The following SGPP2 variants were observed in gnomAD, a reference collection of about 807,000 sequenced individuals.
SGPP2 encodes the protein sphingosine-1-phosphate phosphatase 2, also known as sphingosine 1-phosphate phosphohydrolase 2.
A neutral mutation model predicts 33.9 loss-of-function variants in SGPP2; 30 were observed. The observed-to-expected ratio is 0.89, with a 90% CI of 0.66 to 1.20. The LOEUF (loss-of-function observed/expected upper bound fraction) is 1.20. Among genes scored for constraint, SGPP2 ranks in the 50% most tolerant of loss-of-function variants. The pLI is 0.00. For synonymous variants in SGPP2, 233 were observed against 225.0 expected, an observed-to-expected ratio of 1.04 and a Z score of -0.32; for missense variants, 458 against 532.1, an observed-to-expected ratio of 0.86 and a Z score of 1.37.
intron 1 of SGPP2, among the ~76,000 whole-genome samples, chr2:222,445,903 T>A (rs1697391698): frequency 6.6e-6 from 1 of 152,110 alleles, no homozygotes; most frequent in South Asian, 2.1e-4. Context: ...TACAGTGGGC[T>A]TTGCAGAATG....
At chr2:222,515,706 A>G (rs907824875) in intron 2 of SGPP2, among the ~76,000 whole-genome samples, 1 of 152,084 alleles carries the variant, frequency 6.6e-6, no homozygotes, top group Non-Finnish European at 1.5e-5. Flanking sequence ...TAATTCAATA[A>G]TTTTTAGTGT....
intron 1 of SGPP2, among the ~76,000 whole-genome samples, chr2:222,439,721 A>G (rs978720078): frequency 1.3e-5 from 2 of 152,254 alleles, no homozygotes; most frequent in Non-Finnish European, 2.9e-5. Flanking sequence ...AATTCCATGT[A>G]TATAATGTTC....
At chr2:222,443,662 T>G (rs1268871923) in intron 1 of SGPP2, among the ~76,000 whole-genome samples, 2 of 152,032 alleles carry the variant, frequency 1.3e-5, no homozygotes, top group African/African-American at 2.4e-5. Flanking sequence ...CACTTGTTTG[T>G]TTTTTTTAAC....
intron 4 of SGPP2, among the ~76,000 whole-genome samples, chr2:222,525,881 G>GT (rs890611867): frequency 6.6e-6 from 1 of 152,160 alleles, no homozygotes; most frequent in African/African-American, 2.4e-5. Flanking sequence ...CCTTGTGTGG[G>GT]TTTTTTATGG....
In SGPP2 at chr2:222,559,753, C is replaced by T; in HGVS notation, c.*855C>T. 1 of 152,552 alleles carries T rather than the reference C, an allele frequency of 6.6e-6. No homozygotes were observed. Among genetic ancestry groups the T allele is most frequent in the Non-Finnish European group, 1.5e-5 (1 of 68,252 alleles). The allele number at this position is 152,552 out of a possible 1,614,324, so 9.4% of individuals were successfully genotyped here. On this transcript the variant is annotated 3_prime_UTR_variant, in exon 5 of 5. Coordinates refer to ENST00000321276, the MANE Select transcript of SGPP2 (RefSeq NM_152386.4). ...TATAGGCATGAGCCACTGTGCCCGG[C>T]CTCCTCCTTGTTATGATCAAATTAG...
intron 2 of SGPP2, among the ~76,000 whole-genome samples, chr2:222,486,102 C>T (rs1698103091): frequency 6.6e-6 from 1 of 152,206 alleles, no homozygotes; most frequent in Non-Finnish European, 1.5e-5. Flanking sequence ...CCACAAGATG[C>T]TTCTCAGGCT....
At chr2:222,524,739 A>G (rs1698731639) in intron 3 of SGPP2, among the ~76,000 whole-genome samples, 1 of 152,166 alleles carries the variant, frequency 6.6e-6, no homozygotes, top group Non-Finnish European at 1.5e-5. Context: ...TCCTCCCAGA[A>G]CTGTGTACCT....
intron 1 of SGPP2, among the ~76,000 whole-genome samples, chr2:222,469,332 T>A (rs1697803361): frequency 6.6e-6 from 1 of 152,202 alleles, no homozygotes; most frequent in Admixed American, 6.5e-5. Flanking sequence ...TACAGACATG[T>A]GCCACCATGC....
At chr2:222,494,875 C>T (rs1343530885) in intron 2 of SGPP2, among the ~76,000 whole-genome samples, 1 of 152,134 alleles carries the variant, frequency 6.6e-6, no homozygotes, top group Non-Finnish European at 1.5e-5. Context: ...TAGCATTAGT[C>T]TCTCAGAAAG....
rs935477899 is a variant in SGPP2 at position 222,561,172 on chromosome 2, A to C, written c.*2274A>C. 2.6e-4 allele frequency among the ~76,000 whole-genome samples: 39 copies of C among 152,032 alleles called. 2 individuals carry two copies. The highest frequency in any genetic ancestry group is 2.4e-3 in the Admixed American group (36 of 15,252). ...TTAAAATTCTTCTCATATTTATTAT[A>C]GTTAGAAGGCAAAGATCAAGATGAC... On this transcript the variant is annotated 3_prime_UTR_variant, in exon 5 of 5. Coordinates refer to ENST00000321276, the MANE Select transcript of SGPP2 (RefSeq NM_152386.4).
chr2:222,477,118 T>A lies in SGPP2; in HGVS notation c.378+2392T>A, dbSNP rs111209742. ...ATGTATGTATATAGGTGTGTATATA[T>A]GTGTATGTGTGTGTATATAGGTGTG... On this transcript the variant is annotated intron_variant, in intron 2 of 4. Coordinates refer to ENST00000321276, the MANE Select transcript of SGPP2 (RefSeq NM_152386.4). The surrounding 1 kb of genome is among the most constrained non-coding windows in gnomAD (Gnocchi z 6.0). Among the ~76,000 whole-genome samples the A allele has an allele frequency of 3.6e-4, 54 of 151,800 alleles. No homozygotes were observed. The highest frequency in any genetic ancestry group is 1.3e-3 in the African/African-American group (53 of 41,372).
chr2:222,540,163 T>A (rs1698970529), intron 4 of SGPP2, among the ~76,000 whole-genome samples: 1 of 152,176 alleles, frequency 6.6e-6, no homozygotes, highest in African/African-American at 2.4e-5. Flanking sequence ...TTTTTCAGAT[T>A]TTTGAATATT....
intron 1 of SGPP2, among the ~76,000 whole-genome samples, chr2:222,426,082 G>C (rs538722557): frequency 6.6e-6 from 1 of 151,602 alleles, no homozygotes; most frequent in East Asian, 1.9e-4. Flanking sequence ...AGCTGGGCGT[G>C]GTGGTGCGGC....
At chr2:222,430,214 C>G (rs1421095819) in intron 1 of SGPP2, among the ~76,000 whole-genome samples, 1 of 152,096 alleles carries the variant, frequency 6.6e-6, no homozygotes, top group African/African-American at 2.4e-5. Flanking sequence ...AGGAATCAAA[C>G]AGGCAAAAAT....
chr2:222,475,176 T>C (rs1697914728), intron 2 of SGPP2, among the ~76,000 whole-genome samples: 1 of 152,150 alleles, frequency 6.6e-6, no homozygotes, highest in Admixed American at 6.6e-5. Flanking sequence ...TTCAAGCGAT[T>C]CTCCTGCCCC....
chr2:222,433,201 A>G (rs372909963), intron 1 of SGPP2, among the ~76,000 whole-genome samples: 14 of 152,280 alleles, frequency 9.2e-5, no homozygotes, highest in African/African-American at 3.4e-4. Context: ...ACTGAGCATG[A>G]GAAGCTAGAG....
intron 2 of SGPP2, among the ~76,000 whole-genome samples, chr2:222,507,176 C>T (rs1559164312): frequency 6.6e-6 from 1 of 152,098 alleles, no homozygotes; most frequent in Non-Finnish European, 1.5e-5. Context: ...TAGAATTCAG[C>T]TGTTAGCGCA....
intron 1 of SGPP2, among the ~76,000 whole-genome samples, chr2:222,438,487 AG>A (rs1473252590): frequency 1.3e-5 from 2 of 152,246 alleles, no homozygotes; most frequent in Non-Finnish European, 2.9e-5. Context: ...AGGACAGTAA[AG>A]GTATATTGCT....
At chr2:222,433,527 G>A (rs7556867) in intron 1 of SGPP2, among the ~76,000 whole-genome samples, 116,404 of 152,084 alleles carry the variant, frequency 0.77, 44,708 homozygotes, top group Middle Eastern at 0.88. Context: ...CATGCCTGGA[G>A]CAACCAGGTA....
Sources: allele counts gnomAD v4.1 joint callset (sites outside exome capture counted in the v4.1 genomes callset), GRCh38; gene constraint gnomAD v4.1.1; non-coding constraint Gnocchi (gnomAD v3.1); transcripts MANE v1.5; gene names NCBI Gene and HGNC (gene_info 2026-07-23, HGNC 2026-07-21).